Variants in MYO3B observed in about 807,000 individuals in gnomAD.
The protein encoded by MYO3B is myosin-IIIb.
A neutral mutation model predicts 174.6 loss-of-function variants in MYO3B; 156 were observed. That is an observed-to-expected ratio of 0.89 (90% CI 0.78 to 1.02). The LOEUF is 1.02. MYO3B is among the 50% of genes least tolerant of loss of function. The pLI is 0.00. For synonymous variants in MYO3B, 563 were observed against 569.1 expected, an observed-to-expected ratio of 0.99 and a Z score of 0.15; for missense variants, 1,632 against 1,639.4, an observed-to-expected ratio of 1.00 and a Z score of 0.08.
chr2:170,530,964 C>T (rs954200239), intron 30 of MYO3B, among the ~76,000 whole-genome samples: 4 of 152,212 alleles, frequency 2.6e-5, no homozygotes, highest in Non-Finnish European at 4.4e-5. Flanking sequence ...CTCTGCTCTA[C>T]TGTTCCCTTA....
intron 32 of MYO3B, among the ~76,000 whole-genome samples, chr2:170,587,261 C>T (rs566229049): frequency 6.6e-6 from 1 of 152,140 alleles, no homozygotes; most frequent in Non-Finnish European, 1.5e-5. Context: ...AGACAGTATG[C>T]CATGTTATGC....
chr2:170,266,676 A>C (rs535079611), intron 7 of MYO3B, among the ~76,000 whole-genome samples: 186 of 152,326 alleles, frequency 1.2e-3, no homozygotes, highest in African/African-American at 4.4e-3. Flanking sequence ...TAGTGAGTTC[A>C]TACCTCTTAG....
intron 1 of MYO3B, among the ~76,000 whole-genome samples, chr2:170,195,546 C>G (rs2092589821): frequency 6.6e-6 from 1 of 152,172 alleles, no homozygotes; most frequent in African/African-American, 2.4e-5. Context: ...ATCCTCAAGT[C>G]TGTGTGACCT....
At chr2:170,285,379 T>A (rs1269700435) in intron 7 of MYO3B, among the ~76,000 whole-genome samples, 2 of 152,202 alleles carry the variant, frequency 1.3e-5, no homozygotes, top group African/African-American at 2.4e-5. Context: ...GACCTTTTTT[T>A]TTTTTGGGAG....
intron 19 of MYO3B, among the ~76,000 whole-genome samples, chr2:170,403,929 A>G (rs532971522): frequency 1.3e-5 from 2 of 152,152 alleles, no homozygotes; most frequent in Non-Finnish European, 1.5e-5. Flanking sequence ...GGTTTAAACA[A>G]TATTTCTCAC....
At chr2:170,492,358 A>G (rs1281517333) in intron 25 of MYO3B, among the ~76,000 whole-genome samples, 2 of 152,162 alleles carry the variant, frequency 1.3e-5, no homozygotes, top group Admixed American at 1.3e-4. Flanking sequence ...GGTTCTCTTT[A>G]TCTTTAGCTC....
At chr2:170,381,967 C>G in intron 9 of MYO3B, 49 bp from the exon 10 acceptor site, 3 of 1,492,184 alleles carry the variant, frequency 2.0e-6, no homozygotes, top group Non-Finnish European at 2.8e-6. Context: ...CCGCTTTCTG[C>G]TACATTATTT....
intron 7 of MYO3B, among the ~76,000 whole-genome samples, chr2:170,284,181 C>G (rs545021002): frequency 6.6e-6 from 1 of 152,240 alleles, no homozygotes; most frequent in African/African-American, 2.4e-5. Flanking sequence ...AGAGGAAATG[C>G]CTCTAATTAT....
chr2:170,302,703 A>C (rs1448012878), intron 7 of MYO3B, among the ~76,000 whole-genome samples: 2 of 152,220 alleles, frequency 1.3e-5, no homozygotes, highest in African/African-American at 4.8e-5. Context: ...GGTTTAAAAT[A>C]TTTCTTCTTC....
At chr2:170,560,832 A>T (rs1400093833) in intron 32 of MYO3B, among the ~76,000 whole-genome samples, 2 of 152,152 alleles carry the variant, frequency 1.3e-5, no homozygotes, top group Non-Finnish European at 2.9e-5. Flanking sequence ...TTGTCCTCCA[A>T]AGCACAGTTT....
At position 170,261,501 on chromosome 2, in the gene MYO3B, A is replaced by G. The variant is rs183757105; in HGVS notation, c.749+25365A>G. ...CACCAGATTGAGGCTGCAGTGAGCTATGATTTTGCCACTGCATTCTAGCCT... is the reference window on the plus strand; with the variant it reads ...CACCAGATTGAGGCTGCAGTGAGCTGTGATTTTGCCACTGCATTCTAGCCT... On this transcript the variant is annotated intron_variant, in intron 7 of 34. Transcript: ENST00000408978. 2.1e-4 allele frequency among the ~76,000 whole-genome samples: 32 copies of G among 152,310 alleles called. No individual in the cohort carries two copies. The East Asian group carries it at 5.2e-3, about 25-fold the overall frequency.
rs139874635 is a variant in MYO3B, at chr2:170,590,171, C to T, written c.3733+46183C>T. On this transcript the variant is annotated intron_variant, in intron 32 of 34. Coordinates refer to ENST00000408978, the MANE Select transcript of MYO3B (RefSeq NM_138995.5). ...ATGAAGTGATATATGCCTGTATATA[C>T]GTGATATGAGAAGTTACTTTCCAGG... Among the ~76,000 whole-genome samples the T allele has an allele frequency of 7.5e-4, 114 of 152,278 alleles. No individual in the cohort carries two copies. In the East Asian group the frequency reaches 0.02, roughly 27 times the overall value.
At chr2:170,529,625 G>C (rs1026839109) in intron 30 of MYO3B, among the ~76,000 whole-genome samples, 1 of 152,086 alleles carries the variant, frequency 6.6e-6, no homozygotes, top group Non-Finnish European at 1.5e-5. Flanking sequence ...CACATTGCTG[G>C]TACCTACGTT....
intron 32 of MYO3B, among the ~76,000 whole-genome samples, chr2:170,599,124 T>G (rs574676994): frequency 1.3e-5 from 2 of 152,316 alleles, no homozygotes; most frequent in African/African-American, 4.8e-5. Flanking sequence ...CCACCCATCC[T>G]GTCTTCATTT....
At position 170,521,875 on chromosome 2, in the gene MYO3B, T is replaced by A. The variant is rs79545978; in HGVS notation, c.3575+2335T>A. Among the ~76,000 whole-genome samples the A allele has an allele frequency of 9.2e-5, 14 of 152,278 alleles. No individual in the cohort carries two copies. In the East Asian group the frequency reaches 2.7e-3, roughly 29 times the overall value. On this transcript the variant is annotated intron_variant, in intron 30 of 34. Transcript: ENST00000408978. Reference sequence around the variant, plus strand: ...AAATCTGATTTGTGTCCCTACAATGTCCCTAAAACTATTCTTGGGAAGCAC... The same window carrying A: ...AAATCTGATTTGTGTCCCTACAATGACCCTAAAACTATTCTTGGGAAGCAC...
intron 6 of MYO3B, among the ~76,000 whole-genome samples, chr2:170,235,544 ATC>A (rs1371087124): frequency 1.3e-5 from 2 of 152,154 alleles, no homozygotes; most frequent in African/African-American, 4.8e-5. Context: ...GTCTTCCAAC[ATC>A]TCTCTGCTTA....
intron 18 of MYO3B, among the ~76,000 whole-genome samples, chr2:170,402,014 T>C (rs930947772): frequency 8.5e-5 from 13 of 152,116 alleles, no homozygotes; most frequent in Non-Finnish European, 1.9e-4. Context: ...CCAGGACAGT[T>C]GAAGCATTTG....
At chr2:170,604,178 T>G (rs1466089045) in intron 32 of MYO3B, among the ~76,000 whole-genome samples, 1 of 152,230 alleles carries the variant, frequency 6.6e-6, no homozygotes, top group African/African-American at 2.4e-5. Flanking sequence ...ATGCTTGACT[T>G]TATGCAAAAG....
intron 7 of MYO3B, among the ~76,000 whole-genome samples, chr2:170,288,195 G>A (rs866681630): frequency 1.3e-5 from 2 of 149,016 alleles, no homozygotes; most frequent in South Asian, 4.2e-4. Context: ...GGACTGATTT[G>A]TCTTTTTGGG....
Sources: gnomAD v4.1 joint callset for allele counts (sites outside exome capture counted in the v4.1 genomes callset) on GRCh38, gnomAD v4.1.1 for gene constraint, MANE v1.5 for transcripts, NCBI Gene and HGNC (gene_info 2026-07-23, HGNC 2026-07-21) for gene names.